The following GRID2 variants were observed in gnomAD, a reference collection of about 807,000 sequenced individuals.
GRID2 encodes glutamate receptor ionotropic, delta-2.
In GRID2, 33 loss-of-function variants were observed where a neutral mutation model predicts 114.8. The ratio of observed to expected loss-of-function variants is 0.29; its 90% CI spans 0.22 to 0.38. GRID2 has a LOEUF of 0.38. GRID2 is among the 10% of genes least tolerant of loss of function. The pLI is 1.00. For synonymous variants in GRID2, 505 were observed against 449.9 expected (o/e 1.12, Z -1.55); for missense variants, 1,184 against 1,257.7 (o/e 0.94, Z 0.89).
chr4:92,990,353 T>G (rs1036526639), intron 2 of GRID2, among the ~76,000 whole-genome samples: 115 of 150,600 alleles, frequency 7.6e-4, no homozygotes, highest in African/African-American at 2.7e-3. Context: ...GATAGAGTCT[T>G]GATCTGTCAC....
Position 92,748,193 on chromosome 4 carries a change from A to G in GRID2, c.244+157907A>G, listed in dbSNP as rs145950279. Among the ~76,000 whole-genome samples, 1,110 of 152,030 alleles carry G rather than the reference A, an allele frequency of 7.3e-3. 7 individuals carry two copies. Among genetic ancestry groups the G allele is most frequent in the Middle Eastern group, 0.031 (9 of 294 alleles). On this transcript the variant is annotated intron_variant, in intron 2 of 15. Coordinates refer to ENST00000282020, the MANE Select transcript of GRID2 (RefSeq NM_001510.4). ...CATTTTTTCTATGTTTCCCATCTCA[A>G]TATTTAAGGCATGTATTAGAAAAAT...
intron 2 of GRID2, among the ~76,000 whole-genome samples, chr4:92,864,790 A>G (rs1344668372): frequency 1.3e-5 from 2 of 152,220 alleles, no homozygotes; most frequent in Non-Finnish European, 2.9e-5. Flanking sequence ...AGATAATGGT[A>G]GTACCTGGAT....
At chr4:92,705,093 A>T (rs1462946751) in intron 2 of GRID2, among the ~76,000 whole-genome samples, 1 of 152,154 alleles carries the variant, frequency 6.6e-6, no homozygotes, top group African/African-American at 2.4e-5. Flanking sequence ...TCTTCAGGAA[A>T]ACAGCAAGGC....
At chr4:93,497,349 C>T (rs950536975) in intron 12 of GRID2, among the ~76,000 whole-genome samples, 1 of 151,660 alleles carries the variant, frequency 6.6e-6, no homozygotes, top group African/African-American at 2.4e-5. Context: ...CATCATAGAA[C>T]AAAAGTTTTA....
intron 2 of GRID2, among the ~76,000 whole-genome samples, chr4:92,591,088 C>G (rs1305812652): frequency 2.0e-5 from 3 of 152,240 alleles, no homozygotes; most frequent in Non-Finnish European, 2.9e-5. Context: ...TAGGTTGAAA[C>G]TGAATTCCCA....
chr4:93,390,464 G>A (rs949206981), intron 8 of GRID2, among the ~76,000 whole-genome samples: 37 of 152,130 alleles, frequency 2.4e-4, no homozygotes, highest in Non-Finnish European at 1.2e-4. Context: ...AAATCAGTTA[G>A]TGGTCCCAAA....
intron 2 of GRID2, among the ~76,000 whole-genome samples, chr4:92,762,448 TA>T (rs11326827): frequency 0.53 from 78,188 of 148,078 alleles, 20,694 homozygotes; most frequent in Middle Eastern, 0.72. Context: ...TTGCTAAAAT[TA>T]AAAAAAAAAA....
chr4:93,110,408 A>T (rs897618854), intron 3 of GRID2, among the ~76,000 whole-genome samples: 12 of 152,170 alleles, frequency 7.9e-5, no homozygotes, highest in Non-Finnish European at 1.6e-4. Context: ...AAAATAGGGA[A>T]TGTCTTTCCC....
intron 13 of GRID2, among the ~76,000 whole-genome samples, chr4:93,588,142 G>T (rs970727987): frequency 6.6e-6 from 1 of 152,026 alleles, no homozygotes; most frequent in Non-Finnish European, 1.5e-5. Flanking sequence ...TTGTAAAGTT[G>T]TACTTACATG....
At chr4:93,693,823 T>G (rs114581983) in intron 14 of GRID2, among the ~76,000 whole-genome samples, 6,248 of 152,206 alleles carry the variant, frequency 0.041, 199 homozygotes, top group African/African-American at 0.081. Context: ...ATATATATTA[T>G]GGAAATAATT....
intron 11 of GRID2, among the ~76,000 whole-genome samples, chr4:93,460,425 C>T (rs1723634077): frequency 6.6e-6 from 1 of 152,166 alleles, no homozygotes; most frequent in African/African-American, 2.4e-5. Flanking sequence ...AGACTCTACT[C>T]CCACTCTCTG....
At chr4:93,557,652 C>A (rs1734451725) in intron 13 of GRID2, among the ~76,000 whole-genome samples, 1 of 152,148 alleles carries the variant, frequency 6.6e-6, no homozygotes, top group Non-Finnish European at 1.5e-5. Flanking sequence ...GACTTTAACA[C>A]CCCACTGTCA....
intron 14 of GRID2, among the ~76,000 whole-genome samples, chr4:93,633,568 C>T (rs1034600602): frequency 1.3e-5 from 2 of 152,050 alleles, no homozygotes; most frequent in Non-Finnish European, 2.9e-5. Flanking sequence ...AAGATCAGCC[C>T]ATTTACTTAC....
intron 10 of GRID2, among the ~76,000 whole-genome samples, chr4:93,448,185 T>C (rs924693437): frequency 2.0e-5 from 3 of 151,894 alleles, no homozygotes; most frequent in Non-Finnish European, 4.4e-5. Flanking sequence ...GATATCGTAA[T>C]GCACTTTAGG....
chr4:92,749,531 T>G (rs986847014), intron 2 of GRID2, among the ~76,000 whole-genome samples: 2 of 152,018 alleles, frequency 1.3e-5, no homozygotes, highest in African/African-American at 4.8e-5. Flanking sequence ...GCCAAGATGG[T>G]CTCCATCTCT....
chr4:93,164,085 G>T (rs1738016788), intron 4 of GRID2, among the ~76,000 whole-genome samples: 2 of 151,722 alleles, frequency 1.3e-5, no homozygotes, highest in South Asian at 4.2e-4. Flanking sequence ...ACTGTGCTTG[G>T]TATATAAATA....
At chr4:92,867,479 T>C (rs754834616) in intron 2 of GRID2, among the ~76,000 whole-genome samples, 1 of 152,032 alleles carries the variant, frequency 6.6e-6, no homozygotes, top group African/African-American at 2.4e-5. Context: ...AAACTAAGAA[T>C]GCTAATGCTA....
At chr4:92,391,689 C>A (rs1730244839) in intron 1 of GRID2, among the ~76,000 whole-genome samples, 2 of 152,130 alleles carry the variant, frequency 1.3e-5, no homozygotes, top group Non-Finnish European at 2.9e-5. Flanking sequence ...AAAATGTCAT[C>A]CTCAAGGAAT....
chr4:92,342,451 C>T (rs1265876340), intron 1 of GRID2, among the ~76,000 whole-genome samples: 3 of 152,006 alleles, frequency 2.0e-5, no homozygotes, highest in African/African-American at 7.2e-5. Flanking sequence ...CCTGAAGAAG[C>T]CATATAATTA....
Sources: gnomAD v4.1 joint callset for allele counts (sites outside exome capture counted in the v4.1 genomes callset) on GRCh38, gnomAD v4.1.1 for gene constraint, MANE v1.5 for transcripts, NCBI Gene and HGNC (gene_info 2026-07-23, HGNC 2026-07-21) for gene names.